Variants in SDCCAG8 observed in about 807,000 individuals in gnomAD.
SDCCAG8 encodes the protein serologically defined colon cancer antigen 8.
Under a neutral mutation model 101.8 loss-of-function variants are expected in SDCCAG8, and 74 were observed. The ratio of observed to expected loss-of-function variants is 0.73; its 90% CI spans 0.60 to 0.88. The LOEUF is 0.88. Among genes scored for constraint, SDCCAG8 ranks in the 40% least tolerant of loss-of-function variants. The pLI is 0.00. For synonymous variants in SDCCAG8, 281 were observed against 292.9 expected, an observed-to-expected ratio of 0.96 and a Z score of 0.41; for missense variants, 787 against 822.6, an observed-to-expected ratio of 0.96 and a Z score of 0.53.
At chr1:243,406,954 C>T (rs960540682) in intron 13 of SDCCAG8, among the ~76,000 whole-genome samples, 1 of 152,082 alleles carries the variant, frequency 6.6e-6, no homozygotes, top group African/African-American at 2.4e-5. Flanking sequence ...TCCTCCCTGT[C>T]CCCAGCTACT....
At chr1:243,449,217 A>G (rs1051360215) in intron 16 of SDCCAG8, among the ~76,000 whole-genome samples, 26 of 152,276 alleles carry the variant, frequency 1.7e-4, no homozygotes, top group African/African-American at 6.0e-4. Flanking sequence ...TTATTTTTCA[A>G]GGTTTGTAGG....
intron 1 of SDCCAG8, among the ~76,000 whole-genome samples, chr1:243,258,959 T>C (rs2066977132): frequency 7.0e-6 from 1 of 142,794 alleles, no homozygotes; most frequent in Non-Finnish European, 1.6e-5. Context: ...GTCTTGGTCT[T>C]TCCTCACCGG....
intron 1 of SDCCAG8, among the ~76,000 whole-genome samples, chr1:243,257,609 GA>G (rs1331693686): frequency 1.3e-5 from 2 of 152,150 alleles, no homozygotes; most frequent in Non-Finnish European, 2.9e-5. Flanking sequence ...TTCAATATTA[GA>G]AAGTTTATCT....
chr1:243,411,642 C>A (rs1302397297), intron 13 of SDCCAG8, among the ~76,000 whole-genome samples: 1 of 152,118 alleles, frequency 6.6e-6, no homozygotes, highest in East Asian at 1.9e-4. Flanking sequence ...ACTTTCTGTC[C>A]CTTAGTGTTT....
intron 16 of SDCCAG8, among the ~76,000 whole-genome samples, chr1:243,482,847 C>A (rs1399371690): frequency 2.1e-4 from 32 of 152,130 alleles, no homozygotes; most frequent in Admixed American, 2.1e-3. Context: ...GAGATAAAGG[C>A]GCGGGAAAGA....
Position 243,416,136 on chromosome 1 carries a change from G to A in SDCCAG8, c.1744+307G>A, listed in dbSNP as rs1350460284. On this transcript the variant is annotated intron_variant, in intron 14 of 17. Coordinates refer to ENST00000366541, the MANE Select transcript of SDCCAG8 (RefSeq NM_006642.5). The surrounding 1 kb of genome is among the most constrained non-coding windows in gnomAD (Gnocchi z 4.3). ...GACCACAACAAAGTAGAAAAACAAA[G>A]GGCTTGTTTTTGGCTGGGTTTTCAG... Among the ~76,000 whole-genome samples, 1 of 152,136 alleles carries A rather than the reference G, an allele frequency of 6.6e-6. No homozygotes were observed. Among genetic ancestry groups the A allele is most frequent in the African/African-American group, 2.4e-5 (1 of 41,426 alleles).
chr1:243,283,078 C>T (rs2069211053), intron 4 of SDCCAG8, among the ~76,000 whole-genome samples: 1 of 151,992 alleles, frequency 6.6e-6, no homozygotes, highest in Non-Finnish European at 1.5e-5. Context: ...AACTCCTGAC[C>T]CTCACATGAT....
chr1:243,380,647 T>C (rs1442719412), intron 13 of SDCCAG8, among the ~76,000 whole-genome samples: 2 of 152,058 alleles, frequency 1.3e-5, no homozygotes, highest in Admixed American at 1.3e-4. Context: ...TCCTTTGTTC[T>C]TAAGAAAAAC....
At chr1:243,265,877 T>A (rs892212327) in intron 1 of SDCCAG8, among the ~76,000 whole-genome samples, 1 of 152,184 alleles carries the variant, frequency 6.6e-6, no homozygotes, top group Non-Finnish European at 1.5e-5. Flanking sequence ...ACAGAGGCTT[T>A]TAACTATGCA....
intron 7 of SDCCAG8, chr1:243,306,542 T>G (rs2072151183): frequency 1.3e-5 from 2 of 152,190 alleles, no homozygotes; most frequent in African/African-American, 2.4e-5. Context: ...AAATCAGTCT[T>G]CTTTTCAACT....
intron 16 of SDCCAG8, among the ~76,000 whole-genome samples, chr1:243,432,851 G>T (rs2081886094): frequency 6.6e-6 from 1 of 152,066 alleles, no homozygotes; most frequent in South Asian, 2.1e-4. Context: ...TATTTTAAAT[G>T]AAATGCTTTT....
intron 7 of SDCCAG8, chr1:243,307,556 T>C: frequency 1.0e-6 from 1 of 983,372 alleles, no homozygotes; most frequent in Non-Finnish European, 1.2e-6. Flanking sequence ...TTTAAGAGAT[T>C]AATGCTTGAA....
chr1:243,296,629 G>A (rs974178080), intron 6 of SDCCAG8, among the ~76,000 whole-genome samples: 3 of 133,200 alleles, frequency 2.3e-5, no homozygotes, highest in African/African-American at 5.7e-5. Flanking sequence ...TGCAAGCTCC[G>A]CCTTCCGGGT....
At chr1:243,454,485 C>T (rs1209161642) in intron 16 of SDCCAG8, among the ~76,000 whole-genome samples, 1 of 152,034 alleles carries the variant, frequency 6.6e-6, no homozygotes, top group Non-Finnish European at 1.5e-5. Flanking sequence ...TCTTTCCTTA[C>T]CCCACAGCCC....
intron 15 of SDCCAG8, among the ~76,000 whole-genome samples, chr1:243,419,188 C>T (rs966683099): frequency 1.3e-5 from 2 of 151,994 alleles, no homozygotes; most frequent in African/African-American, 4.8e-5. Flanking sequence ...CCTGTAACCA[C>T]CAAGAATGTA....
At chr1:243,405,944 G>A (rs2079750737) in intron 13 of SDCCAG8, among the ~76,000 whole-genome samples, 1 of 151,932 alleles carries the variant, frequency 6.6e-6, no homozygotes, top group Non-Finnish European at 1.5e-5. Context: ...TAATAGAATA[G>A]AATAGAATAG....
intron 16 of SDCCAG8, among the ~76,000 whole-genome samples, chr1:243,446,043 A>T (rs1040521995): frequency 6.7e-6 from 1 of 149,094 alleles, no homozygotes; most frequent in Non-Finnish European, 1.5e-5. Flanking sequence ...GCTGGTGAGT[A>T]GCAGTCATTG....
intron 12 of SDCCAG8, among the ~76,000 whole-genome samples, chr1:243,373,428 A>T (rs1376905458): frequency 6.6e-6 from 1 of 152,120 alleles, no homozygotes; most frequent in African/African-American, 2.4e-5. Flanking sequence ...TTGCACCAAC[A>T]ATCATGTATA....
At chr1:243,368,731 C>T (rs143560271) in intron 12 of SDCCAG8, among the ~76,000 whole-genome samples, 19 of 152,152 alleles carry the variant, frequency 1.2e-4, no homozygotes, top group East Asian at 7.7e-4. Flanking sequence ...GGGGGAAGAG[C>T]GGAATTAGGA....
Sources: allele counts gnomAD v4.1 joint callset (sites outside exome capture counted in the v4.1 genomes callset), GRCh38; gene constraint gnomAD v4.1.1; non-coding constraint Gnocchi (gnomAD v3.1); transcripts MANE v1.5; gene names NCBI Gene and HGNC (gene_info 2026-07-23, HGNC 2026-07-21).